The following MIDEAS variants were observed in gnomAD, a reference collection of about 807,000 sequenced individuals.
The protein encoded by MIDEAS is mitotic deacetylase-associated SANT domain protein.
A neutral mutation model predicts 102.7 loss-of-function variants in MIDEAS; 26 were observed. The observed-to-expected ratio is 0.25, with a 90% confidence interval of 0.19 to 0.35. The LOEUF (loss-of-function observed/expected upper bound fraction) is 0.35. Among genes scored for constraint, MIDEAS ranks in the 10% least tolerant of loss-of-function variants. MIDEAS has a pLI of 1.00. For missense variants in MIDEAS, 1,231 were observed against 1,435.6 expected (o/e 0.86, Z 2.30); for synonymous variants, 585 against 591.0 (o/e 0.99, Z 0.15).
In MIDEAS at chr14:73,757,279, C is replaced by CAAAAAAAAAAAAAAAAAAAAAAAA. The variant is rs370387448; in HGVS notation, c.-248+2483_-248+2484insTTTTTTTTTTTTTTTTTTTTTTTT. On this transcript the variant is annotated intron_variant, in intron 1 of 12. Coordinates refer to ENST00000423556, the MANE Select transcript of MIDEAS (RefSeq NM_001367710.1). ...AGAGAAAGACCCTATCTCTAACAAC[C>CAAAAAAAAAAAAAAAAAAAAAAAA]AAAAAAAAAAAAAAACACTAAACAC... is the stretch of plus-strand genomic sequence containing the variant. 6.2e-4 allele frequency among the ~76,000 whole-genome samples: 42 copies of CAAAAAAAAAAAAAAAAAAAAAAAA among 67,680 alleles called. 4 individuals carry two copies. The highest frequency in any genetic ancestry group is 3.7e-3 in the East Asian group (4 of 1,080). 44.4% of individuals were successfully genotyped at this position (67,680 alleles called of 152,430 possible).
chr14:73,754,241 C>T lies in MIDEAS; in HGVS notation c.-248+5522G>A, dbSNP rs2053454924. Among the ~76,000 whole-genome samples the T allele has an allele frequency of 2.0e-5, 3 of 152,384 alleles. No homozygotes were observed. In the South Asian group the frequency reaches 6.2e-4, roughly 32 times the overall value. ...AGGGACAGAAAGCACAACTAGCAGC[C>T]ACCATGCAGATGGGCCTCTGCCCCG... On this transcript the variant is annotated intron_variant, in intron 1 of 12. Transcript: ENST00000423556.
intron 1 of MIDEAS, among the ~76,000 whole-genome samples, chr14:73,755,873 GTGAAATGAGAGTTGCCATCTGT>G (rs2053473596): frequency 6.6e-6 from 1 of 152,188 alleles, no homozygotes. Context: ...GTGGGAACTG[GTGAAATGAGAGTTGCCATCTGT>G]TGAATACCTA....
chr14:73,743,593 C>G (rs1411552458), intron 1 of MIDEAS, among the ~76,000 whole-genome samples: 1 of 152,144 alleles, frequency 6.6e-6, no homozygotes, highest in African/African-American at 2.4e-5. Flanking sequence ...TTCTACCCCA[C>G]CCCCGCTGCC....
At chr14:73,750,053 T>C (rs2053402275) in intron 1 of MIDEAS, among the ~76,000 whole-genome samples, 1 of 152,200 alleles carries the variant, frequency 6.6e-6, no homozygotes, top group Admixed American at 6.5e-5. Flanking sequence ...ATATTTCCAC[T>C]TCCATGGCCA....
chr14:73,737,368 A>G, intron 2 of MIDEAS, 71 bp from the exon 3 acceptor site: 1 of 1,487,886 alleles, frequency 6.7e-7, no homozygotes, highest in Non-Finnish European at 9.1e-7. Flanking sequence ...TCACGCCTAT[A>G]ATTCCTGCAC....
At chr14:73,783,546 T>C (rs181421544) in intron 1 of MIDEAS, among the ~76,000 whole-genome samples, 7 of 152,210 alleles carry the variant, frequency 4.6e-5, no homozygotes, top group African/African-American at 7.2e-5. Context: ...TGGGGAGCCA[T>C]TGAAGGTTGC....
chr14:73,761,968 G>A (rs1245668526), upstream of MIDEAS, among the ~76,000 whole-genome samples: 1 of 152,204 alleles, frequency 6.6e-6, no homozygotes, highest in Non-Finnish European at 1.5e-5. Context: ...GACTCTCAGG[G>A]CTCCTGGCAA....
intron 10 of MIDEAS, chr14:73,722,409 G>A (rs765345609): frequency 1.8e-5 from 4 of 222,782 alleles, no homozygotes; most frequent in South Asian, 1.2e-4. Context: ...AATGACTGAG[G>A]TTTGAGAAAC....
Position 73,726,884 on chromosome 14 carries a change from A to C in MIDEAS, c.2251T>G (p.Leu751Val), listed in dbSNP as rs140060737. The C allele has an allele frequency of 8.7e-6, 14 of 1,613,670 alleles. No individual in the cohort carries two copies. In the African/African-American group the frequency reaches 1.6e-4, roughly 18 times the overall value. Residue 751 changes from leucine to valine, a missense_variant, in exon 6 of 13, where the codon TTG (leucine) becomes GTG (valine). Physicochemically the swap from Leu to Val is conservative, Grantham distance 32. Around this residue, in one of 5 missense-constraint regions of MIDEAS, gnomAD observed 391 missense variants for 483.0 expected, o/e 0.81. Coordinates refer to ENST00000423556, the MANE Select transcript of MIDEAS (RefSeq NM_001367710.1). ...AGGTCCTCCCATGGCTGCCACACCAAGTCAGCCTTGTGGGGATCTGCAGCT... is the reference window on the plus strand; with the variant it reads ...AGGTCCTCCCATGGCTGCCACACCACGTCAGCCTTGTGGGGATCTGCAGCT... ...LAAADPHKAD[L>V]VWQPWEDLES...
At chr14:73,728,363 G>T (rs2053092435) in intron 4 of MIDEAS, 1 of 151,040 alleles carries the variant, frequency 6.6e-6, no homozygotes, top group Non-Finnish European at 1.5e-5. Context: ...GCTTCCATTT[G>T]TACCTCCCAC....
intron 7 of MIDEAS, 29 bp downstream of exon 7, chr14:73,726,575 C>G (rs1161137307): frequency 6.2e-7 from 1 of 1,604,820 alleles, no homozygotes; most frequent in Non-Finnish European, 8.5e-7. Context: ...CACTGAGGGG[C>G]CCTCCCTCTG....
intron 1 of MIDEAS, among the ~76,000 whole-genome samples, chr14:73,748,109 T>G (rs914117217): frequency 6.6e-6 from 1 of 152,164 alleles, no homozygotes; most frequent in African/African-American, 2.4e-5. Context: ...AATATCTATT[T>G]AACATAAAGG....
At chr14:73,745,085 C>T (rs770768557) in intron 1 of MIDEAS, among the ~76,000 whole-genome samples, 1 of 152,174 alleles carries the variant, frequency 6.6e-6, no homozygotes, top group Non-Finnish European at 1.5e-5. Flanking sequence ...TGGGCAGAGG[C>T]GACACAGCCC....
At chr14:73,769,417 T>C (rs2053622000) in intron 1 of MIDEAS, among the ~76,000 whole-genome samples, 2 of 152,088 alleles carry the variant, frequency 1.3e-5, no homozygotes, top group African/African-American at 4.8e-5. Context: ...ATTTAGGAAA[T>C]GCAAATTGGA....
chr14:73,770,787 G>T (rs1595296519), intron 1 of MIDEAS, among the ~76,000 whole-genome samples: 2 of 152,110 alleles, frequency 1.3e-5, no homozygotes, highest in Non-Finnish European at 2.9e-5. Context: ...CTATGGAAAT[G>T]TGTTTCAAGC....
intron 5 of MIDEAS, 100 bp from the exon 6 acceptor site, chr14:73,727,072 A>G (rs2053071377): frequency 7.0e-7 from 1 of 1,434,878 alleles, no homozygotes; most frequent in Non-Finnish European, 9.4e-7. Context: ...GAGCCGGCAG[A>G]GCAAGGCCTC....
chr14:73,740,003 G>A lies in MIDEAS; in HGVS notation c.6C>T (p.Asn2=), dbSNP rs1255295364. 3 of 1,489,056 alleles carry A rather than the reference G, an allele frequency of 2.0e-6. No individual in the cohort carries two copies. In the East Asian group the frequency reaches 7.0e-5, roughly 35 times the overall value. The allele number at this position is 1,489,056 out of a possible 1,614,324, so 92.2% of individuals were successfully genotyped here. M[N]LQAQPKAQNK... ...TCTGAGCCTTGGGCTGGGCCTGGAGGTTCATGATGTGGCCAACTGAGCCCT... is the reference window on the plus strand; with the variant it reads ...TCTGAGCCTTGGGCTGGGCCTGGAGATTCATGATGTGGCCAACTGAGCCCT... Residue 2 remains asparagine (N), a synonymous_variant, in exon 2 of 13, where the codon AAC becomes AAT. Transcript: ENST00000423556.
At chr14:73,738,054 G>A (rs1449999024) in intron 2 of MIDEAS, among the ~76,000 whole-genome samples, 1 of 152,094 alleles carries the variant, frequency 6.6e-6, no homozygotes, top group African/African-American at 2.4e-5. Context: ...AAAGTGCTGG[G>A]ATTATAGGCA....
chr14:73,763,992 T>C (rs1045470949), upstream of MIDEAS, among the ~76,000 whole-genome samples: 2 of 152,184 alleles, frequency 1.3e-5, no homozygotes, highest in Non-Finnish European at 2.9e-5. Flanking sequence ...CAATTAATTA[T>C]TTTTACTGTT....
Sources: gnomAD v4.1 joint callset for allele counts (sites outside exome capture counted in the v4.1 genomes callset) on GRCh38, gnomAD v4.1.1 for gene constraint, gnomAD v4.1.1 regional missense constraint, MANE v1.5 for transcripts, NCBI Gene and HGNC (gene_info 2026-07-23, HGNC 2026-07-21) for gene names.